VAV3: variants seen among roughly 807,000 people sequenced by gnomAD.
VAV3 encodes the protein guanine nucleotide exchange factor VAV3.
Under a neutral mutation model 131.2 loss-of-function variants are expected in VAV3, and 94 were observed. The observed-to-expected ratio is 0.72, with a 90% CI of 0.61 to 0.85. The LOEUF (loss-of-function observed/expected upper bound fraction) is 0.85, where lower values mean the gene tolerates loss of function less well. Among genes scored for constraint, VAV3 ranks in the 40% least tolerant of loss-of-function variants. VAV3 has a pLI of 0.00. For synonymous variants in VAV3, 349 were observed against 342.0 expected, an observed-to-expected ratio of 1.02 and a Z score of -0.22; for missense variants, 939 against 1,002.7, an observed-to-expected ratio of 0.94 and a Z score of 0.86.
At chr1:107,723,747 G>T (rs1320550291) in intron 15 of VAV3, among the ~76,000 whole-genome samples, 1 of 151,734 alleles carries the variant, frequency 6.6e-6, no homozygotes, top group Non-Finnish European at 1.5e-5. Flanking sequence ...AATCTGAGAT[G>T]ATGTCTTCCA....
At chr1:107,660,576 C>G (rs1656940603) in intron 19 of VAV3, among the ~76,000 whole-genome samples, 1 of 152,212 alleles carries the variant, frequency 6.6e-6, no homozygotes, top group South Asian at 2.1e-4. Context: ...TTTTATGGAA[C>G]ACATCATTCA....
intron 15 of VAV3, among the ~76,000 whole-genome samples, chr1:107,747,641 T>TATGTATGTACAAATATC (rs1663435616): frequency 2.0e-5 from 3 of 152,196 alleles, no homozygotes; most frequent in African/African-American, 7.2e-5. Context: ...ACTATTTGGC[T>TATGTATGTACAAATATC]AGCTCTCTGC....
At chr1:107,769,604 T>A (rs1270907758) in intron 6 of VAV3, among the ~76,000 whole-genome samples, 3 of 152,240 alleles carry the variant, frequency 2.0e-5, no homozygotes, top group East Asian at 3.8e-4. Flanking sequence ...AATCTATTTG[T>A]CAATTCAGTC....
chr1:107,915,427 T>C (rs1672562708), intron 1 of VAV3, among the ~76,000 whole-genome samples: 1 of 152,178 alleles, frequency 6.6e-6, no homozygotes, highest in Non-Finnish European at 1.5e-5. Flanking sequence ...CCATGTGATT[T>C]ACTGGCTGGA....
intron 20 of VAV3, among the ~76,000 whole-genome samples, chr1:107,625,936 T>C (rs987881298): frequency 2.6e-5 from 4 of 152,074 alleles, no homozygotes; most frequent in African/African-American, 7.2e-5. Context: ...GTAGCTTACA[T>C]AGTAATAAAA....
chr1:107,638,080 A>G lies in VAV3; in HGVS notation c.1914+4539T>C, dbSNP rs561291119. 7.2e-5 allele frequency among the ~76,000 whole-genome samples: 11 copies of G among 152,344 alleles called. No individual in the cohort carries two copies. In the South Asian group the frequency reaches 1.7e-3, roughly 23 times the overall value. On this transcript the variant is annotated intron_variant, in intron 20 of 26. Transcript: ENST00000370056. ...GTCCTCAACTTAATGAAGGGCATTT[A>G]TGAGAAACTACAGATAATGTCATAC...
chr1:107,688,836 T>C (rs1455708064), intron 17 of VAV3, among the ~76,000 whole-genome samples: 1 of 152,188 alleles, frequency 6.6e-6, no homozygotes, highest in African/African-American at 2.4e-5. Context: ...AATAGCAAAT[T>C]ATACATAGTA....
At position 107,862,060 on chromosome 1, in the gene VAV3, G is replaced by A. The variant is rs372977055; in HGVS notation, c.321+12841C>T. ...TTTAGCAGAACTTTTCATGTCCAAA[G>A]AGCATTATAATTGGCATTGAGGCAA... On this transcript the variant is annotated intron_variant, in intron 2 of 26. Coordinates refer to ENST00000370056, the MANE Select transcript of VAV3 (RefSeq NM_006113.5). Among the ~76,000 whole-genome samples, 8 of 151,610 alleles carry A rather than the reference G, an allele frequency of 5.3e-5. 1 individual carries two copies. The highest frequency in any genetic ancestry group is 7.4e-5 in the Non-Finnish European group (5 of 67,862).
chr1:107,769,278 C>G (rs528226631), intron 6 of VAV3, among the ~76,000 whole-genome samples: 1 of 152,070 alleles, frequency 6.6e-6, no homozygotes, highest in East Asian at 1.9e-4. Context: ...AAACAAACAC[C>G]CTGATCAAGT....
intron 1 of VAV3, among the ~76,000 whole-genome samples, chr1:107,943,844 C>A (rs1674117316): frequency 6.6e-6 from 1 of 152,260 alleles, no homozygotes; most frequent in Non-Finnish European, 1.5e-5. Context: ...CTATTCCACC[C>A]CAAATGACTA....
intron 15 of VAV3, among the ~76,000 whole-genome samples, chr1:107,722,113 T>G (rs1661537916): frequency 6.6e-6 from 1 of 152,194 alleles, no homozygotes; most frequent in Non-Finnish European, 1.5e-5. Context: ...CAGACATATT[T>G]TCTGCAGAGT....
chr1:107,828,840 A>C (rs767184435), intron 2 of VAV3, among the ~76,000 whole-genome samples: 17 of 152,218 alleles, frequency 1.1e-4, no homozygotes, highest in Non-Finnish European at 1.9e-4. Flanking sequence ...TTTCAAGGTT[A>C]AGATATGGAC....
At chr1:107,617,379 AT>A (rs1653238608) in intron 21 of VAV3, among the ~76,000 whole-genome samples, 187 bp downstream of exon 21, 1 of 152,112 alleles carries the variant, frequency 6.6e-6, no homozygotes, top group Non-Finnish European at 1.5e-5. Flanking sequence ...TCTTCTATAT[AT>A]TTTCTTAATA....
intron 15 of VAV3, among the ~76,000 whole-genome samples, chr1:107,745,430 A>T (rs1189608217): frequency 6.6e-6 from 1 of 151,906 alleles, no homozygotes; most frequent in Non-Finnish European, 1.5e-5. Flanking sequence ...CAAGTGGGTC[A>T]CTGCTACTTT....
chr1:107,717,817 T>C (rs1487685907), intron 15 of VAV3, among the ~76,000 whole-genome samples: 4 of 152,226 alleles, frequency 2.6e-5, no homozygotes, highest in African/African-American at 9.6e-5. Context: ...CTCGTTCATC[T>C]GTCTAATATT....
intron 19 of VAV3, chr1:107,668,970 C>T (rs931171534): frequency 1.9e-5 from 19 of 991,628 alleles, no homozygotes; most frequent in Non-Finnish European, 2.2e-5. Context: ...TTTCGCGATA[C>T]GGGTGTGGGG....
At position 107,766,545 on chromosome 1, in the gene VAV3, A is replaced by C; in HGVS notation, c.723T>G (p.Leu241=). The change falls in exon 8 of 27, where the codon CTT becomes CTG. Residue 241 remains leucine, a synonymous_variant. Coordinates refer to ENST00000370056, the MANE Select transcript of VAV3 (RefSeq NM_006113.5). ...GCATTAGGTTCCGATGAAGTTTTAC[A>C]AGTTCCTAAGAAAAGAAAACAATGT... ...FDSVFINIPE[L]VKLHRNLMQE... is the part of the protein sequence containing the mutation. 6.2e-7 allele frequency: 1 copy of C among 1,611,536 alleles called. No homozygotes were observed. Among genetic ancestry groups the C allele is most frequent in the Non-Finnish European group, 8.5e-7 (1 of 1,178,392 alleles).
chr1:107,910,541 G>T (rs1672318632), intron 1 of VAV3, among the ~76,000 whole-genome samples: 1 of 152,194 alleles, frequency 6.6e-6, no homozygotes, highest in Admixed American at 6.5e-5. Flanking sequence ...ATAATTGAAG[G>T]TCACAGTAAT....
intron 2 of VAV3, among the ~76,000 whole-genome samples, chr1:107,813,971 T>C (rs1282337232): frequency 1.4e-5 from 1 of 72,316 alleles, no homozygotes; most frequent in African/African-American, 5.2e-5. Flanking sequence ...TACTCCAGTG[T>C]GTGTGTGTGT....
Sources: allele counts gnomAD v4.1 joint callset (sites outside exome capture counted in the v4.1 genomes callset), GRCh38; gene constraint gnomAD v4.1.1; transcripts MANE v1.5; gene names NCBI Gene and HGNC (gene_info 2026-07-23, HGNC 2026-07-21).